ABLIM1: variants seen among roughly 807,000 people sequenced by gnomAD.
ABLIM1 encodes actin-binding LIM protein 1.
Under a neutral mutation model 107.0 loss-of-function variants are expected in ABLIM1, and 40 were observed. The observed-to-expected ratio is 0.37, with a 90% CI of 0.29 to 0.49. ABLIM1 has a LOEUF of 0.49. Among genes scored for constraint, ABLIM1 ranks in the 20% least tolerant of loss-of-function variants. ABLIM1 has a pLI of 0.97. For missense variants in ABLIM1, 857 were observed against 1,008.5 expected, an observed-to-expected ratio of 0.85 and a Z score of 2.04; for synonymous variants, 357 against 357.3, an observed-to-expected ratio of 1.00 and a Z score of 0.01.
the ABLIM1 span, among the ~76,000 whole-genome samples, chr10:114,773,558 C>G: frequency 6.6e-6 from 1 of 152,072 alleles, no homozygotes; most frequent in Non-Finnish European, 1.5e-5. Flanking sequence ...CCTGTCTCTA[C>G]TAAAAATTTA....
At chr10:114,684,590 C>A in exon 1 of ABLIM1, 1 of 1,319,130 alleles carries the variant, frequency 7.6e-7, no homozygotes, top group Non-Finnish European at 9.7e-7. Flanking sequence ...GCATCCCCTT[C>A]TTCTCTCGAC....
At chr10:114,724,504 G>A (rs1268681467) in intron 1 of ABLIM1, among the ~76,000 whole-genome samples, 2 of 152,116 alleles carry the variant, frequency 1.3e-5, no homozygotes, top group East Asian at 3.9e-4. Flanking sequence ...ACATTCCCTT[G>A]CACAAGGCCT....
the ABLIM1 span, among the ~76,000 whole-genome samples, chr10:114,799,218 C>A: frequency 1.3e-5 from 2 of 152,228 alleles, no homozygotes; most frequent in African/African-American, 4.8e-5. Context: ...TGCCAATTCC[C>A]AGCCTCCAAA....
At chr10:114,530,536 T>C (rs944628065) in intron 6 of ABLIM1, among the ~76,000 whole-genome samples, 1 of 152,144 alleles carries the variant, frequency 6.6e-6, no homozygotes, top group Non-Finnish European at 1.5e-5. Flanking sequence ...TATTTATTTA[T>C]TTATTTATTT....
At chr10:114,700,696 TC>T (rs1260294744) in intron 1 of ABLIM1, among the ~76,000 whole-genome samples, 4 of 151,988 alleles carry the variant, frequency 2.6e-5, no homozygotes, top group African/African-American at 9.7e-5. Flanking sequence ...AGGAAGGGAA[TC>T]TTTTCAACAA....
At chr10:114,693,878 G>C (rs1365167373) in intron 1 of ABLIM1, among the ~76,000 whole-genome samples, 1 of 149,364 alleles carries the variant, frequency 6.7e-6, no homozygotes, top group African/African-American at 2.5e-5. Flanking sequence ...GCTCAGGCTG[G>C]TCTCGAGCTC....
chr10:114,567,555 T>A (rs1375069203), intron 4 of ABLIM1, among the ~76,000 whole-genome samples: 6 of 152,196 alleles, frequency 3.9e-5, no homozygotes, highest in African/African-American at 1.4e-4. Context: ...AACAGAGCAC[T>A]CCAGTGGGAG....
At chr10:114,693,826 C>CTTT (rs5788078) in intron 1 of ABLIM1, among the ~76,000 whole-genome samples, 11 of 134,072 alleles carry the variant, frequency 8.2e-5, no homozygotes, top group African/African-American at 2.8e-4. Context: ...TTTAAAAAAA[C>CTTT]TTTTTTTTTT....
chr10:114,441,855 C>T, intron 17 of ABLIM1, 69 bp from the exon 18 acceptor site: 2 of 1,390,280 alleles, frequency 1.4e-6, no homozygotes, highest in South Asian at 1.2e-5. Context: ...ATGAAATTGG[C>T]AGTATCTTCT....
chr10:114,656,550 C>A (rs1192212354), intron 1 of ABLIM1, among the ~76,000 whole-genome samples: 1 of 151,944 alleles, frequency 6.6e-6, no homozygotes, highest in African/African-American at 2.4e-5. Context: ...TGAGGTGAGC[C>A]ACCCTCGAAC....
intron 1 of ABLIM1, among the ~76,000 whole-genome samples, chr10:114,679,460 C>A (rs751357832): frequency 5.3e-4 from 81 of 151,956 alleles, no homozygotes; most frequent in Admixed American, 4.6e-4. Context: ...CATGGAGAAA[C>A]CTTGTCTCTA....
intron 4 of ABLIM1, among the ~76,000 whole-genome samples, chr10:114,567,976 G>A (rs998113683): frequency 3.4e-4 from 51 of 151,358 alleles, no homozygotes; most frequent in Non-Finnish European, 6.0e-4. Flanking sequence ...GGATCACGAG[G>A]TCAGGAGATC....
At chr10:114,692,384 C>T (rs774005660) in intron 1 of ABLIM1, among the ~76,000 whole-genome samples, 1 of 152,170 alleles carries the variant, frequency 6.6e-6, no homozygotes, top group African/African-American at 2.4e-5. Flanking sequence ...AAGATTATTG[C>T]GTCAGCAAAG....
chr10:114,632,061 T>G, intron 1 of ABLIM1: 1 of 1,208,098 alleles, frequency 8.3e-7, no homozygotes, highest in Non-Finnish European at 1.1e-6. Context: ...TCCGGGGCTG[T>G]GGTCTCGAGT....
chr10:114,490,096 C>T (rs2058720445), intron 7 of ABLIM1, among the ~76,000 whole-genome samples: 1 of 152,148 alleles, frequency 6.6e-6, no homozygotes, highest in African/African-American at 2.4e-5. Context: ...AAAATCTAAG[C>T]CCACAGACCA....
At chr10:114,658,318 AAAG>A, upstream of ABLIM1, 9 of 1,496,756 alleles carry the variant, frequency 6.0e-6, no homozygotes, top group Non-Finnish European at 8.0e-6. Flanking sequence ...ACTGCCCAGC[AAAG>A]AAGATTAAGG....
intron 1 of ABLIM1, among the ~76,000 whole-genome samples, chr10:114,695,237 C>T (rs1400280004): frequency 6.6e-6 from 1 of 152,190 alleles, no homozygotes; most frequent in African/African-American, 2.4e-5. Context: ...AAGCAACTAA[C>T]TCACCTTTTG....
chr10:114,533,704 TCCC>T (rs2065686665), intron 6 of ABLIM1, among the ~76,000 whole-genome samples: 1 of 152,084 alleles, frequency 6.6e-6, no homozygotes, highest in South Asian at 2.1e-4. Flanking sequence ...TCTTGCTCTG[TCCC>T]CCAGGCTGGA....
chr10:114,469,063 A>AG (rs1417418127), intron 10 of ABLIM1, among the ~76,000 whole-genome samples: 1 of 151,466 alleles, frequency 6.6e-6, no homozygotes, highest in African/African-American at 2.4e-5. Context: ...AAAAAAAAAA[A>AG]AAAAAAAAAA....
Sources: gnomAD v4.1 joint callset for allele counts (sites outside exome capture counted in the v4.1 genomes callset) on GRCh38, gnomAD v4.1.1 for gene constraint, MANE v1.5 for transcripts, NCBI Gene and HGNC (gene_info 2026-07-23, HGNC 2026-07-21) for gene names.